Variants in BCKDHB observed in about 807,000 individuals in gnomAD.
BCKDHB encodes the protein branched chain keto acid dehydrogenase E1 subunit beta, also known as 2-oxoisovalerate dehydrogenase subunit beta, mitochondrial.
In BCKDHB, 41 loss-of-function variants were observed where a neutral mutation model predicts 48.5. The observed-to-expected ratio is 0.85, with a 90% CI of 0.66 to 1.10. The LOEUF (loss-of-function observed/expected upper bound fraction) is 1.10. BCKDHB is among the 50% of genes least tolerant of loss of function. BCKDHB has a pLI of 0.00. For synonymous variants in BCKDHB, 201 were observed against 174.8 expected, an observed-to-expected ratio of 1.15 and a Z score of -1.18; for missense variants, 496 against 494.2, an observed-to-expected ratio of 1.00 and a Z score of -0.03.
the BCKDHB span, among the ~76,000 whole-genome samples, chr6:80,430,079 T>C: frequency 6.6e-6 from 1 of 152,236 alleles, no homozygotes; most frequent in Admixed American, 6.5e-5. Flanking sequence ...CATGAAGGGC[T>C]GTTGAATTTT....
intron 3 of BCKDHB, among the ~76,000 whole-genome samples, chr6:80,149,502 A>C (rs367824054): frequency 2.0e-5 from 3 of 152,066 alleles, no homozygotes; most frequent in Admixed American, 6.6e-5. Context: ...TCATGCTGCT[A>C]TAAAGACACA....
At chr6:80,450,054 T>C in the BCKDHB span, among the ~76,000 whole-genome samples, 1 of 152,220 alleles carries the variant, frequency 6.6e-6, no homozygotes, top group Admixed American at 6.5e-5. Flanking sequence ...GTCTTCTTGG[T>C]CCCAAGTTGG....
chr6:80,415,765 T>C, the BCKDHB span, among the ~76,000 whole-genome samples: 3 of 152,108 alleles, frequency 2.0e-5, no homozygotes, highest in African/African-American at 7.2e-5. Flanking sequence ...GGTTTTGGTA[T>C]CCAGATAATT....
At chr6:80,415,562 A>T in the BCKDHB span, among the ~76,000 whole-genome samples, 1 of 152,138 alleles carries the variant, frequency 6.6e-6, no homozygotes, top group African/African-American at 2.4e-5. Context: ...TATTCATGTG[A>T]TGAATCACAT....
chr6:80,122,434 C>T (rs1017248608), intron 1 of BCKDHB, among the ~76,000 whole-genome samples: 52 of 152,086 alleles, frequency 3.4e-4, no homozygotes, highest in South Asian at 6.2e-4. Context: ...CGGGGGAACC[C>T]ACCCCCAATA....
At chr6:80,165,938 T>C (rs1772546387) in intron 3 of BCKDHB, among the ~76,000 whole-genome samples, 1 of 152,160 alleles carries the variant, frequency 6.6e-6, no homozygotes, top group African/African-American at 2.4e-5. Flanking sequence ...AGGGATTTAG[T>C]CTCTCAATTT....
At chr6:80,316,242 G>A (rs1173753659) in intron 9 of BCKDHB, among the ~76,000 whole-genome samples, 2 of 152,122 alleles carry the variant, frequency 1.3e-5, no homozygotes, top group Non-Finnish European at 2.9e-5. Context: ...TTAATTCACA[G>A]TCCAATTATC....
intron 9 of BCKDHB, among the ~76,000 whole-genome samples, chr6:80,326,305 C>T (rs1050943007): frequency 2.6e-5 from 4 of 152,028 alleles, no homozygotes; most frequent in Non-Finnish European, 4.4e-5. Context: ...GAAAGAAGTC[C>T]GGTATTCTTG....
At chr6:80,277,661 T>G (rs951211526) in intron 9 of BCKDHB, among the ~76,000 whole-genome samples, 6 of 149,330 alleles carry the variant, frequency 4.0e-5, no homozygotes, top group African/African-American at 1.5e-4. Context: ...GATTTGAGTT[T>G]TTTTTTTTTT....
intron 3 of BCKDHB, among the ~76,000 whole-genome samples, chr6:80,146,947 G>A (rs1771518072): frequency 6.6e-6 from 1 of 152,094 alleles, no homozygotes; most frequent in Non-Finnish European, 1.5e-5. Context: ...TACTGCGGGA[G>A]AAGGGGAGAA....
chr6:80,127,637 T>A lies in BCKDHB; in HGVS notation c.274+13T>A. ...GATCCTACTGCAGGTAACCCTGATA[T>A]GTGCCTGAATTGTGGTAGCTGTGTT... On this transcript the variant is annotated intron_variant, in intron 2 of 9. Transcript: ENST00000320393. The A allele has an allele frequency of 6.2e-7, 1 of 1,602,220 alleles. No individual in the cohort carries two copies. Among genetic ancestry groups the A allele is most frequent in the South Asian group, 1.1e-5 (1 of 90,822 alleles).
chr6:80,197,095 T>G (rs900190592), intron 6 of BCKDHB, among the ~76,000 whole-genome samples: 1 of 152,188 alleles, frequency 6.6e-6, no homozygotes, highest in Non-Finnish European at 1.5e-5. Flanking sequence ...TATGACTCTG[T>G]GTGGTGCTCT....
intron 6 of BCKDHB, among the ~76,000 whole-genome samples, chr6:80,182,845 A>C (rs902021157): frequency 6.6e-6 from 1 of 152,180 alleles, no homozygotes; most frequent in East Asian, 1.9e-4. Flanking sequence ...GCATGTTACA[A>C]ATATTGTATA....
the BCKDHB span, among the ~76,000 whole-genome samples, chr6:80,410,215 T>G: frequency 6.6e-6 from 1 of 152,196 alleles, no homozygotes; most frequent in African/African-American, 2.4e-5. Flanking sequence ...AAGCTTTGTT[T>G]GGCTGGATAT....
At chr6:80,206,296 AG>A (rs202038602) in intron 8 of BCKDHB, among the ~76,000 whole-genome samples, 1 of 92,342 alleles carries the variant, frequency 1.1e-5, no homozygotes, top group African/African-American at 4.5e-5. Flanking sequence ...TGCGCAGCAG[AG>A]CCAAGGAGTC....
chr6:80,205,839 T>TGG (rs1480594974), intron 8 of BCKDHB, among the ~76,000 whole-genome samples: 2 of 142,382 alleles, frequency 1.4e-5, no homozygotes, highest in African/African-American at 5.2e-5. Context: ...TGTGTGTAGG[T>TGG]GGATTGGCTT....
chr6:80,261,179 G>T (rs1777284817), intron 8 of BCKDHB, among the ~76,000 whole-genome samples: 1 of 152,104 alleles, frequency 6.6e-6, no homozygotes, highest in Non-Finnish European at 1.5e-5. Flanking sequence ...TTAAGTTGTT[G>T]TCACACTGGG....
chr6:80,120,060 G>A (rs1480642355), intron 1 of BCKDHB, among the ~76,000 whole-genome samples: 1 of 152,028 alleles, frequency 6.6e-6, no homozygotes, highest in Non-Finnish European at 1.5e-5. Context: ...CCCGCCCTGT[G>A]TCCAAGTGAT....
At chr6:80,318,675 ACT>A (rs1323146125) in intron 9 of BCKDHB, among the ~76,000 whole-genome samples, 5 of 143,822 alleles carry the variant, frequency 3.5e-5, no homozygotes, top group Non-Finnish European at 7.5e-5. Context: ...ACAGAGTGAG[ACT>A]CTCTCTCTTA....
Sources: gnomAD v4.1 joint callset for allele counts (sites outside exome capture counted in the v4.1 genomes callset) on GRCh38, gnomAD v4.1.1 for gene constraint, MANE v1.5 for transcripts, NCBI Gene and HGNC (gene_info 2026-07-23, HGNC 2026-07-21) for gene names.